Variants in FGD4 observed in about 807,000 individuals in gnomAD.
FGD4 encodes FYVE, RhoGEF and PH domain-containing protein 4.
In FGD4, 42 loss-of-function variants were observed where a neutral mutation model predicts 102.0. The observed-to-expected ratio is 0.41, with a 90% CI of 0.32 to 0.53. The LOEUF is 0.53. Ranked by LOEUF, FGD4 falls within the 20% of genes least tolerant of loss-of-function variation. The pLI, the probability that FGD4 is intolerant of heterozygous loss-of-function variation, is 0.21. For synonymous variants in FGD4, 380 were observed against 375.7 expected, an observed-to-expected ratio of 1.01 and a Z score of -0.13; for missense variants, 902 against 1,078.2, an observed-to-expected ratio of 0.84 and a Z score of 2.29.
rs193157835 is a variant in FGD4 at position 32,608,642 on chromosome 12, G to T, written c.1543+547G>T. On this transcript the variant is annotated intron_variant, in intron 8 of 16. Coordinates refer to ENST00000534526, the MANE Select transcript of FGD4 (RefSeq NM_001370298.3). ...TTTTCATCAGATTATAATGAAAGGG[G>T]TTTTTTTAAAGGCTTATGAGTTTCA... Among the ~76,000 whole-genome samples the T allele has an allele frequency of 1.9e-3, 283 of 152,218 alleles. 1 individual carries two copies. The highest frequency in any genetic ancestry group is 6.8e-3 in the Middle Eastern group (2 of 294).
At chr12:32,537,921 A>C (rs1038553730) in intron 1 of FGD4, among the ~76,000 whole-genome samples, 3 of 152,078 alleles carry the variant, frequency 2.0e-5, no homozygotes, top group African/African-American at 7.2e-5. Context: ...GTTTTGAGAC[A>C]GAGTCTTTCT....
intron 1 of FGD4, among the ~76,000 whole-genome samples, chr12:32,468,183 A>G (rs1943318697): frequency 6.6e-6 from 1 of 151,878 alleles, no homozygotes; most frequent in South Asian, 2.1e-4. Context: ...GCTGGGAACT[A>G]CAGGTGTGCC....
chr12:32,407,729 A>AC (rs999414651), intron 1 of FGD4, among the ~76,000 whole-genome samples: 1 of 152,056 alleles, frequency 6.6e-6, no homozygotes, highest in Non-Finnish European at 1.5e-5. Flanking sequence ...CTTGAAGTAG[A>AC]CCTGAATTTG....
chr12:32,451,938 G>C (rs1330154993), intron 1 of FGD4, among the ~76,000 whole-genome samples: 1 of 144,220 alleles, frequency 6.9e-6, no homozygotes, highest in Non-Finnish European at 1.5e-5. Context: ...CCCGAGCTAT[G>C]TTCCCGTGGA....
intron 1 of FGD4, among the ~76,000 whole-genome samples, chr12:32,481,693 C>T (rs1943770527): frequency 6.6e-6 from 1 of 151,954 alleles, no homozygotes; most frequent in South Asian, 2.1e-4. Context: ...TGGTGGTGTG[C>T]ACCTGCAGTC....
intron 15 of FGD4, among the ~76,000 whole-genome samples, chr12:32,634,202 A>G (rs1250120266): frequency 6.6e-6 from 1 of 151,826 alleles, no homozygotes; most frequent in Non-Finnish European, 1.5e-5. Flanking sequence ...ATTTCGTGGC[A>G]GTAGCTAGAG....
Position 32,582,637 on chromosome 12 carries a change from C to G in FGD4, c.1011+170C>G. On this transcript the variant is annotated intron_variant, in intron 4 of 16. Coordinates refer to ENST00000534526, the MANE Select transcript of FGD4 (RefSeq NM_001370298.3). ...ATTAGCATTTCCCCTATGCTCTAAG[C>G]AGATATTTCACTTTTTCTTTTCATG... 6 of 779,922 alleles carry G rather than the reference C, an allele frequency of 7.7e-6. No homozygotes were observed. In the South Asian group the frequency reaches 1.1e-4, roughly 14 times the overall value. The allele number at this position is 779,922 out of a possible 1,614,324, so 48.3% of individuals were successfully genotyped here. A position where few individuals can be genotyped will look rare whatever the true frequency, so the allele number is the denominator to read the frequency against.
intron 1 of FGD4, among the ~76,000 whole-genome samples, chr12:32,466,610 G>A (rs1943257746): frequency 6.6e-6 from 1 of 152,042 alleles, no homozygotes; most frequent in African/African-American, 2.4e-5. Context: ...GCTCACAGCT[G>A]AAATTCTAGC....
intron 1 of FGD4, among the ~76,000 whole-genome samples, chr12:32,450,072 AC>A (rs1228568078): frequency 2.0e-5 from 3 of 152,134 alleles, no homozygotes; most frequent in African/African-American, 7.2e-5. Flanking sequence ...AGCTGGGATT[AC>A]AGGCACGTGC....
At chr12:32,473,268 T>C (rs944356664) in intron 1 of FGD4, among the ~76,000 whole-genome samples, 51 of 151,834 alleles carry the variant, frequency 3.4e-4, no homozygotes, top group Admixed American at 1.1e-3. Flanking sequence ...CCTTCCACAC[T>C]GTGGAAGTTT....
intron 1 of FGD4, among the ~76,000 whole-genome samples, chr12:32,536,984 C>T (rs900388470): frequency 1.3e-5 from 2 of 150,410 alleles, no homozygotes; most frequent in Non-Finnish European, 2.9e-5. Flanking sequence ...AGTGCAGTGG[C>T]GCTAAGCTCC....
At chr12:32,530,940 G>GTTT (rs1191041101) in intron 1 of FGD4, among the ~76,000 whole-genome samples, 5 of 89,930 alleles carry the variant, frequency 5.6e-5, no homozygotes, top group Non-Finnish European at 7.9e-5. Context: ...TCCTAGCTTT[G>GTTT]GTTTTTTTTT....
chr12:32,543,245 G>A (rs567746705), intron 1 of FGD4, among the ~76,000 whole-genome samples: 1 of 152,280 alleles, frequency 6.6e-6, no homozygotes, highest in South Asian at 2.1e-4. Context: ...ATAAGGTGAG[G>A]TCCAGAAGAT....
chr12:32,493,416 T>A (rs1944179279), intron 1 of FGD4, among the ~76,000 whole-genome samples: 1 of 152,154 alleles, frequency 6.6e-6, no homozygotes, highest in South Asian at 2.1e-4. Flanking sequence ...GGTGTGGTAA[T>A]CTGATGAGCC....
At chr12:32,598,120 A>G (rs1036092672) in intron 4 of FGD4, among the ~76,000 whole-genome samples, 2 of 152,222 alleles carry the variant, frequency 1.3e-5, no homozygotes, top group African/African-American at 4.8e-5. Context: ...AAAAATAAAA[A>G]ATTAATAAAT....
chr12:32,546,033 T>G (rs1192469374), intron 1 of FGD4, among the ~76,000 whole-genome samples: 1 of 152,182 alleles, frequency 6.6e-6, no homozygotes, highest in African/African-American at 2.4e-5. Context: ...TGATACACTG[T>G]CTTTATTTTT....
rs751215632 is a variant in FGD4 at position 32,576,287 on chromosome 12, T to C, written c.341T>C (p.Leu114Pro). 6.2e-7 allele frequency: 1 copy of C among 1,606,646 alleles called. No individual in the cohort carries two copies. Among genetic ancestry groups the C allele is most frequent in the East Asian group, 2.2e-5 (1 of 44,840 alleles). ...KPQVPPKPLH[L>P]QNSPSSNIHQ... ...ACAGTGCCTCCAAAGCCATTACACC[T>C]GCAGAATTCACCTTCGTCCAATATA... The change falls in exon 3 of 17, where the codon CTG becomes CCG. Residue 114 changes from leucine (L) to proline (P), a missense_variant. By Grantham distance (98) the Leu-to-Pro change is moderately conservative. This residue lies in a region of FGD4 where 443 missense variants were observed against 459.2 expected (regional missense o/e 0.96). Transcript: ENST00000534526.
intron 1 of FGD4, among the ~76,000 whole-genome samples, chr12:32,538,021 C>T (rs1249111515): frequency 6.6e-6 from 1 of 152,194 alleles, no homozygotes; most frequent in Non-Finnish European, 1.5e-5. Flanking sequence ...TCAGCCTCCA[C>T]AGTAGCCAGG....
chr12:32,508,188 T>G (rs912919570), intron 1 of FGD4, among the ~76,000 whole-genome samples: 1 of 152,166 alleles, frequency 6.6e-6, no homozygotes, highest in Non-Finnish European at 1.5e-5. Context: ...AGCAAGGAGA[T>G]ATGATGGGCC....
Sources: allele counts gnomAD v4.1 joint callset (sites outside exome capture counted in the v4.1 genomes callset), GRCh38; gene constraint gnomAD v4.1.1; regional missense constraint gnomAD v4.1.1; transcripts MANE v1.5; gene names NCBI Gene and HGNC (gene_info 2026-07-23, HGNC 2026-07-21).